PPP6R1: variants seen among roughly 807,000 people sequenced by gnomAD.
PPP6R1 encodes the protein protein phosphatase 6 regulatory subunit 1, also known as serine/threonine-protein phosphatase 6 regulatory subunit 1.
PPP6R1 carries 39 observed loss-of-function variants against 104.6 expected under a neutral mutation model. The ratio of observed to expected loss-of-function variants is 0.37; its 90% CI spans 0.29 to 0.49. PPP6R1 has a LOEUF of 0.49. Among genes scored for constraint, PPP6R1 ranks in the 20% least tolerant of loss-of-function variants. PPP6R1 has a pLI of 0.98. For synonymous variants in PPP6R1, 549 were observed against 479.0 expected (o/e 1.15, Z -1.91); for missense variants, 1,181 against 1,155.8 (o/e 1.02, Z -0.32).
rs756132570 is a variant in PPP6R1, at chr19:55,236,747, G to C, written c.1884C>G (p.Asp628Glu). ...CCCCTGAGCCCTGGGCCTCTTCCTC[G>C]TCCTCCTCTTCCTCATCATCATCAA... ...QQFDDDEEEE[D>E]EEEAQGSGES... Residue 628 changes from aspartate to glutamate, a missense_variant, in exon 17 of 24, where the codon GAC (aspartate) becomes GAG (glutamate). Physicochemically the swap from Asp to Glu is conservative, Grantham distance 45. This residue lies in a region of PPP6R1 where 1,042 missense variants were observed against 955.6 expected (regional missense o/e 1.09). Transcript: ENST00000412770. The C allele has an allele frequency of 6.2e-7, 1 of 1,613,776 alleles. No individual in the cohort carries two copies. The highest frequency in any genetic ancestry group is 8.5e-7 in the Non-Finnish European group (1 of 1,179,860).
chr19:55,248,164 A>C (rs2087526099), intron 1 of PPP6R1, among the ~76,000 whole-genome samples: 1 of 152,142 alleles, frequency 6.6e-6, no homozygotes, highest in Non-Finnish European at 1.5e-5. Context: ...TCCACTACAG[A>C]CCTGACCTGT....
In PPP6R1 at chr19:55,231,993, G is replaced by T. The variant is rs765195767; in HGVS notation, c.2126-11C>A. 2 of 1,604,896 alleles carry T rather than the reference G, an allele frequency of 1.2e-6. No individual in the cohort carries two copies. Among genetic ancestry groups the T allele is most frequent in the Non-Finnish European group, 1.7e-6 (2 of 1,174,056 alleles). On this transcript the variant is annotated splice_polypyrimidine_tract_variant and intron_variant, in intron 18 of 23. Transcript: ENST00000412770. ...CTGTCCAGCTGGGGCCTGGGATAGA[G>T]GTGGGGGAGCGGGATGGAGGGTGAA...
At chr19:55,247,410 C>A in intron 1 of PPP6R1, 1 of 415,400 alleles carries the variant, frequency 2.4e-6, no homozygotes. Context: ...TCATTTCACA[C>A]CTGAGGCCTC....
At position 55,237,291 on chromosome 19, in the gene PPP6R1, G is replaced by A. The variant is rs545643351; in HGVS notation, c.1752-321C>T. ...GGCTCTTCCAAGGACAGGTGCCAGA[G>A]AGGGATTCAGATCCATGCCCTTGTC... On this transcript the variant is annotated intron_variant, in intron 15 of 23. Coordinates refer to ENST00000412770, the MANE Select transcript of PPP6R1 (RefSeq NM_014931.4). Among the ~76,000 whole-genome samples the A allele has an allele frequency of 4.6e-5, 7 of 152,298 alleles. No individual in the cohort carries two copies. In the South Asian group the frequency reaches 6.2e-4, roughly 14 times the overall value.
intron 15 of PPP6R1, among the ~76,000 whole-genome samples, chr19:55,237,733 G>A (rs2087412141): frequency 6.6e-6 from 1 of 152,226 alleles, no homozygotes; most frequent in Non-Finnish European, 1.5e-5. Flanking sequence ...ACACTGAGAA[G>A]CAGCGGAGCA....
chr19:55,230,430 A>T lies in PPP6R1; in HGVS notation c.*98T>A. On this transcript the variant is annotated 3_prime_UTR_variant, in exon 24 of 24. Coordinates refer to ENST00000412770, the MANE Select transcript of PPP6R1 (RefSeq NM_014931.4). ...GAGAGAATGTGGGGGTGTCAGGGTGATGAGGGCAATGGGGGCCATCGTGGG... is the reference window on the plus strand; with the variant it reads ...GAGAGAATGTGGGGGTGTCAGGGTGTTGAGGGCAATGGGGGCCATCGTGGG... The T allele has an allele frequency of 6.5e-7, 1 of 1,544,572 alleles. No individual in the cohort carries two copies. Among genetic ancestry groups the T allele is most frequent in the South Asian group, 1.1e-5 (1 of 87,274 alleles).
At position 55,230,321 on chromosome 19, in the gene PPP6R1, C is replaced by A; in HGVS notation, c.*207G>T. The A allele has an allele frequency of 1.6e-6, 1 of 627,538 alleles. No homozygotes were observed. The allele number at this position is 627,538 out of a possible 1,614,324, so 38.9% of individuals were successfully genotyped here. ...CTCTCTGTATCTTTATTCTAGGAGG[C>A]AACGCTCCAAAACTTCTCTTCTCAG... is the stretch of plus-strand genomic sequence containing the variant. On this transcript the variant is annotated 3_prime_UTR_variant, in exon 24 of 24. Coordinates refer to ENST00000412770, the MANE Select transcript of PPP6R1 (RefSeq NM_014931.4).
intron 10 of PPP6R1, among the ~76,000 whole-genome samples, chr19:55,240,617 TCACA>T (rs536982481): frequency 8.2e-5 from 12 of 145,622 alleles, no homozygotes; most frequent in South Asian, 4.4e-4. Flanking sequence ...TCGTGTGCAC[TCACA>T]CACATACATG....
Position 55,241,674 on chromosome 19 carries a change from T to C in PPP6R1, c.846-35A>G, listed in dbSNP as rs377262811. On this transcript the variant is annotated intron_variant, in intron 7 of 23. Transcript: ENST00000412770. The surrounding 1 kb of genome is among the most constrained non-coding windows in gnomAD (Gnocchi z 5.4). ...GGCAGGGTCGAAGGCGGAGTGAGCC[T>C]AGATGGCCTGTGCGCCCACACAGGA... is the stretch of plus-strand genomic sequence containing the variant. 4.6e-6 allele frequency: 7 copies of C among 1,520,756 alleles called. No individual in the cohort carries two copies. Among genetic ancestry groups the C allele is most frequent in the South Asian group, 1.3e-5 (1 of 79,166 alleles). 94.2% of individuals were successfully genotyped at this position (1,520,756 alleles called of 1,614,324 possible).
At chr19:55,240,485 GGTCT>G (rs1223978481) in intron 10 of PPP6R1, among the ~76,000 whole-genome samples, 185 bp from the exon 11 acceptor site, 1 of 150,072 alleles carries the variant, frequency 6.7e-6, no homozygotes, top group African/African-American at 2.5e-5. Context: ...AAGTCTCTCT[GGTCT>G]TTCTACAAAA....
intron 2 of PPP6R1, 51 bp downstream of exon 2, chr19:55,246,826 G>A (rs940463110): frequency 7.0e-7 from 1 of 1,429,464 alleles, no homozygotes; most frequent in Non-Finnish European, 9.5e-7. Flanking sequence ...GCGTAGTGAA[G>A]GTATGTGTGA....
At chr19:55,229,523 A>T (rs911016171), downstream of PPP6R1, 3 of 152,296 alleles carry the variant, frequency 2.0e-5, no homozygotes, top group African/African-American at 7.2e-5. Context: ...GGGGGTAAGC[A>T]GGGGCAGGAG....
chr19:55,253,531 G>C (rs1221092183), intron 1 of PPP6R1, among the ~76,000 whole-genome samples: 1 of 152,204 alleles, frequency 6.6e-6, no homozygotes, highest in Non-Finnish European at 1.5e-5. Flanking sequence ...CTGGTGCACG[G>C]CATCCAAGAA....
rs1292985024 is a variant in PPP6R1 at position 55,230,762 on chromosome 19, C to T, written c.2570+12G>A. 2 of 1,507,062 alleles carry T rather than the reference C, an allele frequency of 1.3e-6. No homozygotes were observed. Among genetic ancestry groups the T allele is most frequent in the Non-Finnish European group, 1.8e-6 (2 of 1,118,710 alleles). 93.4% of individuals were successfully genotyped at this position (1,507,062 alleles called of 1,614,324 possible). On this transcript the variant is annotated intron_variant, in intron 22 of 23. Coordinates refer to ENST00000412770, the MANE Select transcript of PPP6R1 (RefSeq NM_014931.4). ...CACCCCCACCCCCCCGCCCTGCTGC[C>T]CTGGTGCTCACCTCTGGCTTTGGGG...
chr19:55,242,173 T>A lies in PPP6R1; in HGVS notation c.838A>T (p.Arg280Trp), dbSNP rs1170629561. ...QVLLTLLEPR[R>W]PRSESVTVNS... ...GTGGCCCGTATCCCTCACCTCGGCC[T>A]CCTGGGCTCCAGCAGGGTCAGCAGC... The change falls in exon 7 of 24, where the codon AGG (arginine) becomes TGG (tryptophan). Residue 280 changes from arginine (R) to tryptophan (W), a missense_variant. Arg to Trp is a moderately radical substitution (Grantham distance 101). Around this residue, in one of 2 missense-constraint regions of PPP6R1, gnomAD observed 1,042 missense variants for 955.6 expected, o/e 1.09. Transcript: ENST00000412770. 5.0e-6 allele frequency: 8 copies of A among 1,612,770 alleles called. No individual in the cohort carries two copies. The highest frequency in any genetic ancestry group is 6.8e-6 in the Non-Finnish European group (8 of 1,179,800).
At chr19:55,246,024 C>T (rs1440018528) in intron 2 of PPP6R1, among the ~76,000 whole-genome samples, 1 of 152,188 alleles carries the variant, frequency 6.6e-6, no homozygotes, top group African/African-American at 2.4e-5. Context: ...CCAGCTCCGG[C>T]TGACTCCTGG....
rs1462418481 is a variant in PPP6R1, at chr19:55,232,321, G to A, written c.1989-110C>T. 5 of 1,436,818 alleles carry A rather than the reference G, an allele frequency of 3.5e-6. No individual in the cohort carries two copies. In the Admixed American group the frequency reaches 7.8e-5, roughly 22 times the overall value. The allele number at this position is 1,436,818 out of a possible 1,614,324, so 89.0% of individuals were successfully genotyped here. On this transcript the variant is annotated intron_variant, in intron 17 of 23. Coordinates refer to ENST00000412770, the MANE Select transcript of PPP6R1 (RefSeq NM_014931.4). ...CAAGGAGAGCGGGCTGGGATGACAGGCAGGTCACAGAAGGGTCCAGGGAGC... is the reference window on the plus strand; with the variant it reads ...CAAGGAGAGCGGGCTGGGATGACAGACAGGTCACAGAAGGGTCCAGGGAGC...
rs763622061 is a variant in PPP6R1 at position 55,239,642 on chromosome 19, G to A, written c.1605C>T (p.Asp535=). The A allele has an allele frequency of 4.8e-5, 77 of 1,612,146 alleles. No individual in the cohort carries two copies. The highest frequency in any genetic ancestry group is 5.9e-5 in the Non-Finnish European group (69 of 1,179,174). ...GGAAGTTGAACTCCTTGAGCCGGTCGTCCTCATCGTCACTGGAGGAGTGTA... is the reference window on the plus strand; with the variant it reads ...GGAAGTTGAACTCCTTGAGCCGGTCATCCTCATCGTCACTGGAGGAGTGTA... ...HHLHSSSDDE[D]DRLKEFNFPE... is the part of the protein sequence containing the mutation. The change falls in exon 14 of 24, where the codon GAC becomes GAT. Residue 535 remains aspartate, a synonymous_variant. Transcript: ENST00000412770.
chr19:55,239,805 G>A (rs764844254), intron 13 of PPP6R1, 21 bp downstream of exon 13: 11 of 1,611,840 alleles, frequency 6.8e-6, no homozygotes, highest in South Asian at 1.1e-5. Context: ...GAGGAGTGCA[G>A]GAAGAGAAGC....
Sources: allele counts gnomAD v4.1 joint callset (sites outside exome capture counted in the v4.1 genomes callset), GRCh38; gene constraint gnomAD v4.1.1; regional missense constraint gnomAD v4.1.1; non-coding constraint Gnocchi (gnomAD v3.1); transcripts MANE v1.5; gene names NCBI Gene and HGNC (gene_info 2026-07-23, HGNC 2026-07-21).